Variants in FAM171A1 observed in about 807,000 individuals in gnomAD.
FAM171A1 encodes protein FAM171A1.
FAM171A1 carries 23 observed loss-of-function variants against 74.9 expected under a neutral mutation model. The ratio of observed to expected loss-of-function variants is 0.31; its 90% confidence interval spans 0.22 to 0.44. The LOEUF (loss-of-function observed/expected upper bound fraction) is 0.44. FAM171A1 is among the 20% of genes least tolerant of loss of function. The pLI, the probability that FAM171A1 is intolerant of heterozygous loss-of-function variation, is 1.00. For synonymous variants in FAM171A1, 527 were observed against 505.7 expected (o/e 1.04, Z -0.57); for missense variants, 1,162 against 1,159.2 (o/e 1.00, Z -0.03).
rs552410702 is a variant in FAM171A1 at position 15,249,095 on chromosome 10, T to C, written c.578-280A>G. The stretch of plus-strand genomic sequence containing the variant: ...TGGAATCTAGGCTCAGGTTTTCTTT[T>C]TTCTTTTTTTTTTTTTTTTGAGATG... On this transcript the variant is annotated intron_variant, in intron 4 of 7. Transcript: ENST00000378116. Among the ~76,000 whole-genome samples, 33 of 38,736 alleles carry C rather than the reference T, an allele frequency of 8.5e-4. No individual in the cohort carries two copies. In the Admixed American group the frequency reaches 0.013, roughly 16 times the overall value. 25.4% of individuals were successfully genotyped at this position (38,736 alleles called of 152,430 possible).
intron 3 of FAM171A1, among the ~76,000 whole-genome samples, chr10:15,256,877 G>A (rs904934003): frequency 3.3e-5 from 5 of 151,948 alleles, no homozygotes; most frequent in African/African-American, 1.2e-4. Flanking sequence ...CCCTTTCCAC[G>A]CTGCCCTCCA....
At chr10:15,310,095 C>T (rs1419022763) in intron 1 of FAM171A1, among the ~76,000 whole-genome samples, 1 of 152,174 alleles carries the variant, frequency 6.6e-6, no homozygotes, top group African/African-American at 2.4e-5. Context: ...TCTTTCTGGC[C>T]TTCAAAAACC....
intron 1 of FAM171A1, among the ~76,000 whole-genome samples, chr10:15,351,901 A>G (rs1176113315): frequency 6.6e-6 from 1 of 151,976 alleles, no homozygotes; most frequent in Non-Finnish European, 1.5e-5. Flanking sequence ...AAAAATACAA[A>G]AATTGGCCAG....
At chr10:15,297,094 G>A (rs1205392106) in intron 1 of FAM171A1, among the ~76,000 whole-genome samples, 1 of 150,914 alleles carries the variant, frequency 6.6e-6, no homozygotes, top group Non-Finnish European at 1.5e-5. Flanking sequence ...GTCTTGTTGT[G>A]TCACCCAGGC....
chr10:15,285,763 G>C (rs1032028687), intron 1 of FAM171A1, among the ~76,000 whole-genome samples: 1 of 152,220 alleles, frequency 6.6e-6, no homozygotes, highest in Non-Finnish European at 1.5e-5. Context: ...AAAGCGAGGA[G>C]GTGGCCAAGG....
intron 7 of FAM171A1, among the ~76,000 whole-genome samples, chr10:15,215,210 C>T (rs186290977): frequency 3.9e-5 from 6 of 152,202 alleles, no homozygotes; most frequent in Admixed American, 2.6e-4. Context: ...GACTAAAATG[C>T]TTTGCATTTT....
intron 3 of FAM171A1, among the ~76,000 whole-genome samples, chr10:15,264,691 G>T (rs1834715218): frequency 6.6e-6 from 1 of 152,048 alleles, no homozygotes; most frequent in African/African-American, 2.4e-5. Flanking sequence ...GCTAAGGTGG[G>T]AGGATCACTT....
At chr10:15,258,706 C>T (rs1834617792) in intron 3 of FAM171A1, among the ~76,000 whole-genome samples, 1 of 152,212 alleles carries the variant, frequency 6.6e-6, no homozygotes, top group South Asian at 2.1e-4. Context: ...TCGACCTCTT[C>T]ACAATGGTTG....
chr10:15,214,373 G>A lies in FAM171A1; in HGVS notation c.1215C>T (p.Gly405=), dbSNP rs746180178. ...SGVHLEMMSP[G]GEGDLHTPML... The stretch of plus-strand genomic sequence containing the variant: ...TGGGGGTGTGCAGGTCCCCTTCGCC[G>A]CCCGGAGACATCATTTCCAAATGGA... The change falls in exon 8 of 8, where the codon GGC becomes GGT. Residue 405 remains glycine, a synonymous_variant. Coordinates refer to ENST00000378116, the MANE Select transcript of FAM171A1 (RefSeq NM_001010924.2). The A allele has an allele frequency of 1.6e-5, 26 of 1,612,928 alleles. No individual in the cohort carries two copies. Among genetic ancestry groups the A allele is most frequent in the Non-Finnish European group, 2.0e-5 (24 of 1,179,380 alleles).
intron 3 of FAM171A1, among the ~76,000 whole-genome samples, chr10:15,270,414 G>A (rs1031379464): frequency 2.6e-5 from 4 of 152,214 alleles, no homozygotes; most frequent in Admixed American, 2.0e-4. Flanking sequence ...CACAGCTCAA[G>A]GAGGCCTGCC....
chr10:15,249,477 C>G (rs1834481215), intron 4 of FAM171A1, among the ~76,000 whole-genome samples: 1 of 152,110 alleles, frequency 6.6e-6, no homozygotes, highest in African/African-American at 2.4e-5. Flanking sequence ...TAATGTGAGA[C>G]AAAGGTGTAA....
intron 1 of FAM171A1, among the ~76,000 whole-genome samples, chr10:15,339,481 G>C (rs189277076): frequency 6.6e-6 from 1 of 152,282 alleles, no homozygotes; most frequent in Admixed American, 6.5e-5. Context: ...TAGTTTGCAG[G>C]ATTCCCTCAA....
At chr10:15,370,615 G>A (rs1206451920) in intron 1 of FAM171A1, among the ~76,000 whole-genome samples, 1 of 151,972 alleles carries the variant, frequency 6.6e-6, no homozygotes, top group African/African-American at 2.4e-5. Context: ...ATGGGAGACA[G>A]AGCCGCGTGT....
intron 2 of FAM171A1, among the ~76,000 whole-genome samples, chr10:15,281,912 A>C (rs1834975421): frequency 6.6e-6 from 1 of 152,150 alleles, no homozygotes; most frequent in Admixed American, 6.5e-5. Flanking sequence ...TTCTCAAATG[A>C]CCATGTTAAC....
chr10:15,288,813 CTTTTTTTTTTTTTT>C (rs71505064), intron 1 of FAM171A1, among the ~76,000 whole-genome samples: 2 of 73,688 alleles, frequency 2.7e-5, no homozygotes, highest in Admixed American at 2.0e-4. Context: ...TTCGGTAATT[CTTTTTTTTTTTTTT>C]TTTTTTTTTT....
intron 1 of FAM171A1, among the ~76,000 whole-genome samples, chr10:15,285,625 T>C (rs914896852): frequency 4.6e-5 from 7 of 151,994 alleles, no homozygotes; most frequent in African/African-American, 1.7e-4. Flanking sequence ...CCTATTTTCT[T>C]AAGTAGGAAG....
chr10:15,373,137 G>A (rs1037210182), upstream of FAM171A1, among the ~76,000 whole-genome samples: 9 of 152,152 alleles, frequency 5.9e-5, no homozygotes, highest in African/African-American at 2.2e-4. Flanking sequence ...AAACTAGGAC[G>A]TACAGAAGCC....
At chr10:15,351,424 A>G (rs1360503063) in intron 1 of FAM171A1, among the ~76,000 whole-genome samples, 1 of 152,208 alleles carries the variant, frequency 6.6e-6, no homozygotes, top group Non-Finnish European at 1.5e-5. Flanking sequence ...GGTCTAAAAA[A>G]GGAATCATAT....
At chr10:15,301,816 T>C (rs1564637300) in intron 1 of FAM171A1, among the ~76,000 whole-genome samples, 1 of 152,156 alleles carries the variant, frequency 6.6e-6, no homozygotes, top group South Asian at 2.1e-4. Context: ...TATCAAACCA[T>C]GCCAGGCTGG....
Sources: allele counts gnomAD v4.1 joint callset (sites outside exome capture counted in the v4.1 genomes callset), GRCh38; gene constraint gnomAD v4.1.1; transcripts MANE v1.5; gene names NCBI Gene and HGNC (gene_info 2026-07-23, HGNC 2026-07-21).